Variants in CPEB3 observed in about 807,000 individuals in gnomAD.
The protein encoded by CPEB3 is cytoplasmic polyadenylation element binding protein 3, also known as cytoplasmic polyadenylation element-binding protein 3.
Under a neutral mutation model 67.2 loss-of-function variants are expected in CPEB3, and 20 were observed. That is an observed-to-expected ratio of 0.30 (90% CI 0.21 to 0.43). The LOEUF is 0.43. Ranked by LOEUF, CPEB3 falls within the 20% of genes least tolerant of loss-of-function variation. The probability of loss-of-function intolerance (pLI) is 1.00; values close to 1 mark genes in which losing one functional copy is unlikely to be tolerated. For missense variants in CPEB3, 746 were observed against 968.6 expected, an observed-to-expected ratio of 0.77 and a Z score of 3.05; for synonymous variants, 376 against 393.1, an observed-to-expected ratio of 0.96 and a Z score of 0.51.
intron 1 of CPEB3, among the ~76,000 whole-genome samples, chr10:92,270,230 T>G (rs1853246021): frequency 6.6e-6 from 1 of 152,178 alleles, no homozygotes; most frequent in South Asian, 2.1e-4. Flanking sequence ...TTCACGGCAG[T>G]TGTGATTAAA....
chr10:92,088,140 C>G (rs141521571), intron 8 of CPEB3, among the ~76,000 whole-genome samples: 1 of 152,032 alleles, frequency 6.6e-6, no homozygotes, highest in East Asian at 1.9e-4. Flanking sequence ...AATGAGTAAG[C>G]TCATCTAAAT....
chr10:92,268,558 T>C (rs1319923818), intron 1 of CPEB3, among the ~76,000 whole-genome samples: 1 of 152,172 alleles, frequency 6.6e-6, no homozygotes, highest in Non-Finnish European at 1.5e-5. Context: ...AACTTCCAAC[T>C]TCCCTTGGCA....
chr10:92,074,047 G>C (rs1412426103), intron 9 of CPEB3, among the ~76,000 whole-genome samples: 1 of 152,072 alleles, frequency 6.6e-6, no homozygotes, highest in Non-Finnish European at 1.5e-5. Context: ...ATATGTGAAA[G>C]AATGGTTTAA....
intron 2 of CPEB3, among the ~76,000 whole-genome samples, chr10:92,199,577 G>A (rs1338606366): frequency 1.3e-5 from 2 of 149,420 alleles, no homozygotes; most frequent in Non-Finnish European, 1.5e-5. Context: ...CCAACTACTC[G>A]GGAGGCTGAA....
rs757646182 is a variant in CPEB3 at position 92,052,345 on chromosome 10, T to C, written c.1964A>G (p.Asn655Ser). Reference protein sequence around the residue: ...GGKFAPFFCANVTCLQYYCEY... With the variant: ...GGKFAPFFCASVTCLQYYCEY... ...ACAGTAATACTGCAGACAGGTGACG[T>C]TGGCACAGAAGAACGGGGCAAACTT... The change falls in exon 10 of 10, where the codon AAC becomes AGC. Residue 655 changes from asparagine to serine, a missense_variant. Physicochemically the swap from Asn to Ser is conservative, Grantham distance 46. This residue lies in a region of CPEB3 where 103 missense variants were observed against 251.1 expected (regional missense o/e 0.41). Coordinates refer to ENST00000265997, the MANE Select transcript of CPEB3 (RefSeq NM_014912.5). 1.5e-5 allele frequency: 24 copies of C among 1,614,020 alleles called. No individual in the cohort carries two copies. Among genetic ancestry groups the C allele is most frequent in the African/African-American group, 1.3e-5 (1 of 74,894 alleles).
At chr10:92,179,475 A>G (rs541114938) in intron 4 of CPEB3, among the ~76,000 whole-genome samples, 1 of 152,288 alleles carries the variant, frequency 6.6e-6, no homozygotes, top group African/African-American at 2.4e-5. Context: ...TTTCTTTTAC[A>G]TTCAACTTTA....
At chr10:92,206,232 C>T (rs149049775) in intron 2 of CPEB3, among the ~76,000 whole-genome samples, 2,443 of 151,990 alleles carry the variant, frequency 0.016, 65 homozygotes, top group African/African-American at 0.056. Context: ...CCACCACGCC[C>T]GGCTAATTTT....
chr10:92,220,694 T>C (rs1850655844), intron 2 of CPEB3, among the ~76,000 whole-genome samples: 1 of 152,152 alleles, frequency 6.6e-6, no homozygotes, highest in Non-Finnish European at 1.5e-5. Flanking sequence ...GGCAAAAGTC[T>C]AGTCAATTGT....
intron 4 of CPEB3, among the ~76,000 whole-genome samples, chr10:92,162,476 A>T (rs984898821): frequency 6.6e-6 from 1 of 152,190 alleles, no homozygotes; most frequent in African/African-American, 2.4e-5. Flanking sequence ...AGATTAGTTC[A>T]TTGGTTATAA....
At chr10:92,272,629 G>C (rs138379828) in intron 1 of CPEB3, among the ~76,000 whole-genome samples, 1 of 152,112 alleles carries the variant, frequency 6.6e-6, no homozygotes, top group African/African-American at 2.4e-5. Context: ...CACCCTCCAT[G>C]GGCCAGGCTC....
intron 1 of CPEB3, among the ~76,000 whole-genome samples, chr10:92,278,404 A>G (rs1842093850): frequency 6.6e-6 from 1 of 152,082 alleles, no homozygotes; most frequent in Non-Finnish European, 1.5e-5. Flanking sequence ...TTCTTACAAT[A>G]ATGTCTTTTA....
chr10:92,137,232 G>C (rs1160357277), intron 6 of CPEB3: 1 of 534,294 alleles, frequency 1.9e-6, no homozygotes, highest in African/African-American at 1.9e-5. Flanking sequence ...GAGACTACAT[G>C]GGTGCCTCCT....
Position 92,148,664 on chromosome 10 carries a change from C to T in CPEB3, c.1223-3579G>A, listed in dbSNP as rs146597192. Among the ~76,000 whole-genome samples the T allele has an allele frequency of 7.9e-5, 12 of 151,934 alleles. No homozygotes were observed. In the East Asian group the frequency reaches 1.4e-3, roughly 17 times the overall value. The stretch of plus-strand genomic sequence containing the variant: ...TAATTAGGTCACATAAAAGGCACAC[C>T]AAAAATGTTAAATGTGAGGCAGCAT... On this transcript the variant is annotated intron_variant, in intron 4 of 9. Coordinates refer to ENST00000265997, the MANE Select transcript of CPEB3 (RefSeq NM_014912.5).
In CPEB3 at chr10:92,048,913, T is replaced by A. The variant is rs923019824; in HGVS notation, c.*3299A>T. ...AAAATACAAAATAATATTATGACAT[T>A]GACCAGATATGAAAGTCCCTCCCAG... On this transcript the variant is annotated 3_prime_UTR_variant, in exon 10 of 10. Transcript: ENST00000265997. This position sits in a 1 kb window ranked among gnomAD's most constrained non-coding sequence, Gnocchi z 4.1. The A allele has an allele frequency of 6.6e-6, 1 of 152,622 alleles. No homozygotes were observed. The highest frequency in any genetic ancestry group is 1.5e-5 in the Non-Finnish European group (1 of 68,042). The allele number at this position is 152,622 out of a possible 1,614,324, so 9.5% of individuals were successfully genotyped here.
chr10:92,118,868 C>G (rs1845178835), intron 6 of CPEB3: 2 of 808,218 alleles, frequency 2.5e-6, no homozygotes, highest in South Asian at 1.3e-5. Context: ...CATCTGCCAC[C>G]ATGACACTGG....
intron 6 of CPEB3, among the ~76,000 whole-genome samples, chr10:92,128,263 T>A (rs1317098166): frequency 6.6e-6 from 1 of 152,218 alleles, no homozygotes; most frequent in East Asian, 1.9e-4. Context: ...TGGGCCACAC[T>A]TGAAGAAGAA....
rs1843032648 is a variant in CPEB3, at chr10:92,078,836, G to A, written c.1869+2484C>T. Among the ~76,000 whole-genome samples the A allele has an allele frequency of 2.6e-5, 4 of 152,118 alleles. No individual in the cohort carries two copies. The South Asian group carries it at 8.3e-4, about 32-fold the overall frequency. On this transcript the variant is annotated intron_variant, in intron 9 of 9. Transcript: ENST00000265997. ...GCAGTAGCTGTGAGAATAGCGGTAGGCAACAAAACAAATATATCTGAATTT... is the reference window on the plus strand; with the variant it reads ...GCAGTAGCTGTGAGAATAGCGGTAGACAACAAAACAAATATATCTGAATTT...
Position 92,048,238 on chromosome 10 carries a change from C to A in CPEB3, c.*3974G>T, listed in dbSNP as rs1171465607. The A allele has an allele frequency of 1.3e-5, 2 of 152,206 alleles. No homozygotes were observed. Among genetic ancestry groups the A allele is most frequent in the African/African-American group, 4.8e-5 (2 of 41,412 alleles). 9.4% of individuals were successfully genotyped at this position (152,206 alleles called of 1,614,324 possible). A position where few individuals can be genotyped will look rare whatever the true frequency, so the allele number is the denominator to read the frequency against. The stretch of plus-strand genomic sequence containing the variant: ...TGCAGGTGAGGTCTGCAGTACACCA[C>A]GAAAGCCGTGTCCTCTTAGCAACTT... On this transcript the variant is annotated 3_prime_UTR_variant, in exon 10 of 10. Transcript: ENST00000265997. This position sits in a 1 kb window ranked among gnomAD's most constrained non-coding sequence, Gnocchi z 4.1.
At chr10:92,092,865 G>A (rs1209456247) in intron 7 of CPEB3, among the ~76,000 whole-genome samples, 1 of 151,976 alleles carries the variant, frequency 6.6e-6, no homozygotes, top group Non-Finnish European at 1.5e-5. Flanking sequence ...AAGCTTCAAA[G>A]TTTAAGTAAA....
Sources: gnomAD v4.1 joint callset for allele counts (sites outside exome capture counted in the v4.1 genomes callset) on GRCh38, gnomAD v4.1.1 for gene constraint, gnomAD v4.1.1 regional missense constraint, Gnocchi (gnomAD v3.1) non-coding constraint, MANE v1.5 for transcripts, NCBI Gene and HGNC (gene_info 2026-07-23, HGNC 2026-07-21) for gene names.